TRPV2: variants seen among roughly 807,000 people sequenced by gnomAD.
TRPV2 encodes the protein OTRPC2.
TRPV2 carries 58 observed loss-of-function variants against 91.0 expected under a neutral mutation model. The ratio of observed to expected loss-of-function variants is 0.64; its 90% CI spans 0.52 to 0.79. TRPV2 has a LOEUF of 0.79. Ranked by LOEUF, TRPV2 falls within the 30% of genes least tolerant of loss-of-function variation. The probability of loss-of-function intolerance (pLI) is 0.00; values close to 1 mark genes in which losing one functional copy is unlikely to be tolerated. For missense variants in TRPV2, 807 were observed against 969.6 expected, an observed-to-expected ratio of 0.83 and a Z score of 2.23; for synonymous variants, 417 against 414.8, an observed-to-expected ratio of 1.01 and a Z score of -0.06.
intron 2 of TRPV2, among the ~76,000 whole-genome samples, chr17:16,419,630 A>G (rs757357373): frequency 5.3e-5 from 8 of 152,168 alleles, no homozygotes; most frequent in Non-Finnish European, 7.4e-5. Flanking sequence ...TTCTGTAGTT[A>G]ATAGATGGTT....
At chr17:16,434,822 C>A in intron 13 of TRPV2, 68 bp from the exon 14 acceptor site, 1 of 1,515,038 alleles carries the variant, frequency 6.6e-7, no homozygotes, top group South Asian at 1.1e-5. Flanking sequence ...GGGGGCCACG[C>A]CCCTCTCCGG....
rs764531289 is a variant in TRPV2 at position 16,420,212 on chromosome 17, A to G, written c.298A>G (p.Lys100Glu). Reference sequence around the variant, plus strand: ...GGCTGGACTTCCAGAGTACCTGAGCAAGACCAGCAAGTACCTCACCGACTC... The same window carrying G: ...GGCTGGACTTCCAGAGTACCTGAGCGAGACCAGCAAGTACCTCACCGACTC... The part of the protein sequence containing the change: ...DLAGLPEYLS[K>E]TSKYLTDSEY... Residue 100 changes from lysine to glutamate, a missense_variant, in exon 3 of 15, where the codon AAG (lysine) becomes GAG (glutamate). Transcript: ENST00000338560. 1.2e-6 allele frequency: 2 copies of G among 1,613,982 alleles called. No homozygotes were observed. Among genetic ancestry groups the G allele is most frequent in the Non-Finnish European group, 1.7e-6 (2 of 1,179,944 alleles).
rs564120666 is a variant in TRPV2 at position 16,420,423 on chromosome 17, C to A, written c.334+175C>A. Among the ~76,000 whole-genome samples, 132 of 152,288 alleles carry A rather than the reference C, an allele frequency of 8.7e-4. 1 individual carries two copies. The highest frequency in any genetic ancestry group is 6.8e-3 in the Middle Eastern group (2 of 294). On this transcript the variant is annotated intron_variant, in intron 3 of 14. Coordinates refer to ENST00000338560, the MANE Select transcript of TRPV2 (RefSeq NM_016113.5). ...GAGTTAATCAAGGATGGCCTCCTGT[C>A]AGTCTTGGCTGTGCCTCCCACTTCC... is the stretch of plus-strand genomic sequence containing the variant.
chr17:16,434,557 AT>A (rs774792059), intron 13 of TRPV2: 5 of 264,138 alleles, frequency 1.9e-5, no homozygotes, highest in Non-Finnish European at 3.5e-5. Flanking sequence ...AGTCTTGGGC[AT>A]GAGGAGCAGC....
rs1249159366 is a variant in TRPV2, at chr17:16,422,298, G to A, written c.335-301G>A. Among the ~76,000 whole-genome samples the A allele has an allele frequency of 2.7e-5, 4 of 146,028 alleles. No homozygotes were observed. In the South Asian group the frequency reaches 8.6e-4, roughly 32 times the overall value. On this transcript the variant is annotated intron_variant, in intron 3 of 14. Coordinates refer to ENST00000338560, the MANE Select transcript of TRPV2 (RefSeq NM_016113.5). ...AGATTGCGCCACTGCACTCCAGCCT[G>A]GGTGACAGAGCAAGACTCTGTCTCA... is the stretch of plus-strand genomic sequence containing the variant.
In TRPV2 at chr17:16,427,436, AGT is replaced by A; in HGVS notation, c.1252-8_1252-7del. On this transcript the variant is annotated splice_polypyrimidine_tract_variant and intron_variant, in intron 7 of 14. Transcript: ENST00000338560. ...GACCCAAGGCCCTAGGTCTCATCTG[AGT>A]GTGTCTTCAGCAGGCCGCCCCTCAC... The A allele has an allele frequency of 6.2e-7, 1 of 1,612,736 alleles. No homozygotes were observed. The highest frequency in any genetic ancestry group is 1.1e-5 in the South Asian group (1 of 90,924).
Position 16,428,853 on chromosome 17 carries a change from G to A in TRPV2, c.1458G>A (p.Val486=), listed in dbSNP as rs200648768. The A allele has an allele frequency of 8.2e-5, 133 of 1,613,798 alleles. No homozygotes were observed. The highest frequency in any genetic ancestry group is 7.6e-6 in the Non-Finnish European group (9 of 1,180,028). The change falls in exon 10 of 15, where the codon GTG becomes GTA. Residue 486 remains valine, a synonymous_variant. Coordinates refer to ENST00000338560, the MANE Select transcript of TRPV2 (RefSeq NM_016113.5). The stretch of plus-strand genomic sequence containing the variant: ...CCCTGCTCACAGTGGTGTCCCAGGT[G>A]CTGTGTTTCCTGGCCATCGAGTGGT... ...FQALLTVVSQ[V]LCFLAIEWYL...
In TRPV2 at chr17:16,427,563, C is replaced by T. The variant is rs751233965; in HGVS notation, c.1350+16C>T. On this transcript the variant is annotated intron_variant, in intron 8 of 14. Transcript: ENST00000338560. ...CGTGGGCCAGGTGAGTGCCCCTCCC[C>T]TTCTCCTACCAAGAAGCAAACCTAG... 1.0e-5 allele frequency: 16 copies of T among 1,601,928 alleles called. No homozygotes were observed. The African/African-American group carries it at 1.5e-4, about 15-fold the overall frequency.
At chr17:16,420,695 CAT>C (rs1238099619) in intron 3 of TRPV2, among the ~76,000 whole-genome samples, 6 of 152,282 alleles carry the variant, frequency 3.9e-5, no homozygotes, top group Admixed American at 1.3e-4. Flanking sequence ...AGTAAGGAAA[CAT>C]ATAGAGCCAA....
chr17:16,433,529 G>A (rs1429743036), intron 12 of TRPV2, 45 bp from the exon 13 acceptor site: 1 of 1,605,030 alleles, frequency 6.2e-7, no homozygotes, highest in Non-Finnish European at 8.5e-7. Flanking sequence ...TTTGCCCCCA[G>A]GCAGGGTCCC....
In TRPV2 at chr17:16,424,265, C is replaced by G. The variant is rs138330818; in HGVS notation, c.924+498C>G. On this transcript the variant is annotated intron_variant, in intron 5 of 14. Transcript: ENST00000338560. ...CTCTGCCTCCCAGGTTCAAGCAATT[C>G]TCCTGCCTCAGCCCCCTGAGTAGCT... is the stretch of plus-strand genomic sequence containing the variant. Among the ~76,000 whole-genome samples, 914 of 151,980 alleles carry G rather than the reference C, an allele frequency of 6.0e-3. 7 individuals carry two copies. The highest frequency in any genetic ancestry group is 0.021 in the African/African-American group (856 of 41,410).
intron 14 of TRPV2, among the ~76,000 whole-genome samples, chr17:16,436,221 C>G (rs1359313719): frequency 6.6e-6 from 1 of 152,194 alleles, no homozygotes; most frequent in African/African-American, 2.4e-5. Flanking sequence ...TGCACTCTTA[C>G]CCATTGCAGT....
chr17:16,428,774 G>A, intron 9 of TRPV2, 43 bp from the exon 10 acceptor site: 1 of 1,610,682 alleles, frequency 6.2e-7, no homozygotes, highest in Non-Finnish European at 8.5e-7. Flanking sequence ...GGCTCAGGGA[G>A]CCAAGTGGCC....
rs775841470 is a variant in TRPV2, at chr17:16,420,211, C to A, written c.297C>A (p.Ser99Arg). ...EDLAGLPEYL[S>R]KTSKYLTDSE... Reference sequence around the variant, plus strand: ...TGGCTGGACTTCCAGAGTACCTGAGCAAGACCAGCAAGTACCTCACCGACT... The same window carrying A: ...TGGCTGGACTTCCAGAGTACCTGAGAAAGACCAGCAAGTACCTCACCGACT... Residue 99 changes from serine (S) to arginine (R), a missense_variant, in exon 3 of 15, where the codon AGC becomes AGA. Transcript: ENST00000338560. 6 of 1,614,134 alleles carry A rather than the reference C, an allele frequency of 3.7e-6. No homozygotes were observed. In the South Asian group the frequency reaches 4.4e-5, roughly 12 times the overall value.
At chr17:16,431,899 C>G in intron 11 of TRPV2, 49 bp downstream of exon 11, 1 of 1,613,614 alleles carries the variant, frequency 6.2e-7, no homozygotes, top group South Asian at 1.1e-5. Flanking sequence ...TCCTTGTCCA[C>G]CCTGTACACT....
At chr17:16,420,871 C>A (rs1003353605) in intron 3 of TRPV2, among the ~76,000 whole-genome samples, 6 of 152,200 alleles carry the variant, frequency 3.9e-5, no homozygotes, top group East Asian at 1.9e-4. Flanking sequence ...CCACCTTGGC[C>A]CCCCAGAGTG....
rs143308576 is a variant in TRPV2, at chr17:16,419,168, C to T, written c.201-947C>T. Among the ~76,000 whole-genome samples the T allele has an allele frequency of 9.9e-5, 15 of 152,254 alleles. No homozygotes were observed. In the East Asian group the frequency reaches 2.5e-3, roughly 25 times the overall value. On this transcript the variant is annotated intron_variant, in intron 2 of 14. Coordinates refer to ENST00000338560, the MANE Select transcript of TRPV2 (RefSeq NM_016113.5). ...AATAGCACCCCCTGTTCTTTGTCTT[C>T]GCATATCTGCTGGTGGTGGTACCAG...
At position 16,426,431 on chromosome 17, in the gene TRPV2, C is replaced by T. The variant is rs7222754; in HGVS notation, c.1095+162C>T. Among the ~76,000 whole-genome samples the T allele has an allele frequency of 0.4, 61,553 of 152,028 alleles. 12,829 individuals are homozygous for T. Among genetic ancestry groups the T allele is most frequent in the African/African-American group, 0.46 (18,876 of 41,452 alleles). On this transcript the variant is annotated intron_variant, in intron 6 of 14. Coordinates refer to ENST00000338560, the MANE Select transcript of TRPV2 (RefSeq NM_016113.5). This position sits in a 1 kb window ranked among gnomAD's most constrained non-coding sequence, Gnocchi z 6.0. ...CACGACCCTGACCATGGCCACCGGG[C>T]CCATACTCAATCCATACTCTAGTCC...
intron 13 of TRPV2, among the ~76,000 whole-genome samples, chr17:16,434,155 T>C (rs2093425190): frequency 6.6e-6 from 1 of 151,974 alleles, no homozygotes; most frequent in Non-Finnish European, 1.5e-5. Context: ...GGGAACCTAG[T>C]GACAAACACA....
Sources: gnomAD v4.1 joint callset for allele counts (sites outside exome capture counted in the v4.1 genomes callset) on GRCh38, gnomAD v4.1.1 for gene constraint, Gnocchi (gnomAD v3.1) non-coding constraint, MANE v1.5 for transcripts, NCBI Gene and HGNC (gene_info 2026-07-23, HGNC 2026-07-21) for gene names.